The following EML1 variants were observed in gnomAD, a reference collection of about 807,000 sequenced individuals.
EML1 encodes the protein echinoderm microtubule-associated protein-like 1.
EML1 carries 27 observed loss-of-function variants against 110.4 expected under a neutral mutation model. That is an observed-to-expected ratio of 0.24 (90% CI 0.18 to 0.34). The LOEUF (loss-of-function observed/expected upper bound fraction) is 0.34, where lower values mean the gene tolerates loss of function less well. EML1 is among the 10% of genes least tolerant of loss of function. The pLI is 1.00. For missense variants in EML1, 741 were observed against 1,030.9 expected, an observed-to-expected ratio of 0.72 and a Z score of 3.85; for synonymous variants, 344 against 385.8, an observed-to-expected ratio of 0.89 and a Z score of 1.27.
chr14:99,885,805 A>G, intron 4 of EML1: 1 of 443,546 alleles, frequency 2.3e-6, no homozygotes, highest in South Asian at 1.6e-5. Context: ...TGTTGGACGC[A>G]TTGTAACATA....
chr14:99,749,094 C>T (rs1346255991), intron 1 of EML1, among the ~76,000 whole-genome samples: 1 of 152,230 alleles, frequency 6.6e-6, no homozygotes, highest in Non-Finnish European at 1.5e-5. Context: ...CACGCTTTGG[C>T]CATGATGAGT....
At chr14:99,863,888 TA>T in intron 2 of EML1, among the ~76,000 whole-genome samples, 1 of 152,390 alleles carries the variant, frequency 6.6e-6, no homozygotes, top group East Asian at 1.9e-4. Context: ...AAACTATATT[TA>T]GCTTTATAAG....
chr14:99,941,187 T>G lies in EML1; in HGVS notation c.*1075T>G, dbSNP rs2060583449. 1 of 152,182 alleles carries G rather than the reference T, an allele frequency of 6.6e-6. No individual in the cohort carries two copies. Among genetic ancestry groups the G allele is most frequent in the African/African-American group, 2.4e-5 (1 of 41,440 alleles). 9.4% of individuals were successfully genotyped at this position (152,182 alleles called of 1,614,324 possible). A position where few individuals can be genotyped will look rare whatever the true frequency, so the allele number is the denominator to read the frequency against. On this transcript the variant is annotated 3_prime_UTR_variant, in exon 22 of 22. Coordinates refer to ENST00000262233, the MANE Select transcript of EML1 (RefSeq NM_004434.3). Reference sequence around the variant, plus strand: ...TGCGTTAAACGGAGGTGGCAGAAATTTGTCAAGAAGGCCTTATCCATTTCG... The same window carrying G: ...TGCGTTAAACGGAGGTGGCAGAAATGTGTCAAGAAGGCCTTATCCATTTCG...
intron 1 of EML1, among the ~76,000 whole-genome samples, chr14:99,797,964 G>GGAAAGGCTGTTCAAAGCTA (rs1018721351): frequency 7.2e-5 from 11 of 152,126 alleles, no homozygotes; most frequent in African/African-American, 2.7e-4. Flanking sequence ...GGGGGAAGCT[G>GGAAAGGCTGTTCAAAGCTA]GAAAGGCTGT....
chr14:99,828,121 A>G (rs1447382784), intron 1 of EML1, among the ~76,000 whole-genome samples: 2 of 152,184 alleles, frequency 1.3e-5, no homozygotes, highest in East Asian at 3.8e-4. Flanking sequence ...AAAATTACAG[A>G]TGCTTGTTAG....
chr14:99,847,944 A>T (rs1056611751), intron 1 of EML1, among the ~76,000 whole-genome samples: 11 of 151,498 alleles, frequency 7.3e-5, no homozygotes, highest in Non-Finnish European at 1.5e-4. Context: ...TGCTTTTTTA[A>T]AAAAAAAATT....
intron 1 of EML1, among the ~76,000 whole-genome samples, chr14:99,816,374 G>T (rs1184958912): frequency 1.3e-5 from 2 of 152,224 alleles, no homozygotes; most frequent in African/African-American, 4.8e-5. Context: ...TGTTGGTAAG[G>T]CTGGTCTTGA....
At chr14:99,883,417 C>T (rs959198533) in intron 4 of EML1, 6 of 151,984 alleles carry the variant, frequency 3.9e-5, no homozygotes, top group African/African-American at 1.5e-4. Flanking sequence ...TGTAGTCCCA[C>T]CTACTTGAGA....
At chr14:99,830,770 C>G (rs866074193) in intron 1 of EML1, among the ~76,000 whole-genome samples, 3 of 152,098 alleles carry the variant, frequency 2.0e-5, no homozygotes, top group Non-Finnish European at 4.4e-5. Flanking sequence ...AGGCTGGTCT[C>G]GAACTCCTGA....
At chr14:99,846,239 T>A (rs961948328) in intron 1 of EML1, among the ~76,000 whole-genome samples, 2 of 151,600 alleles carry the variant, frequency 1.3e-5, no homozygotes, top group African/African-American at 4.8e-5. Flanking sequence ...AAATTGCTTG[T>A]TTCCTTTGCT....
chr14:99,907,454 C>CA (rs2059870247), intron 9 of EML1, 184 bp from the exon 10 acceptor site: 1 of 618,948 alleles, frequency 1.6e-6, no homozygotes, highest in Non-Finnish European at 2.8e-6. Flanking sequence ...GATGACAGAG[C>CA]AAAACCCTGT....
intron 1 of EML1, among the ~76,000 whole-genome samples, chr14:99,738,405 G>A (rs896281013): frequency 6.6e-6 from 1 of 152,216 alleles, no homozygotes; most frequent in Non-Finnish European, 1.5e-5. Flanking sequence ...CAGATTCTGG[G>A]GTCTGCCCAC....
In EML1 at chr14:99,911,408, C is replaced by T. The variant is rs765947252; in HGVS notation, c.1340-14C>T. On this transcript the variant is annotated splice_polypyrimidine_tract_variant and intron_variant, in intron 12 of 21. Transcript: ENST00000262233. ...TTGACAATGTGCTAATGATGGTTTT[C>T]TTGGTGTGTTTAGGTACAAATCGAA... 1.1e-5 allele frequency: 17 copies of T among 1,565,084 alleles called. No individual in the cohort carries two copies.
chr14:99,932,502 G>A (rs931877125), intron 17 of EML1, among the ~76,000 whole-genome samples: 3 of 151,964 alleles, frequency 2.0e-5, no homozygotes, highest in Admixed American at 6.6e-5. Flanking sequence ...AGCCAGACGC[G>A]GTGGCAGGCG....
intron 3 of EML1, among the ~76,000 whole-genome samples, chr14:99,868,627 C>T (rs1399544859): frequency 6.6e-6 from 1 of 152,006 alleles, no homozygotes; most frequent in Non-Finnish European, 1.5e-5. Context: ...CTCTTATAGT[C>T]CTTCTCGTTT....
rs577389288 is a variant in EML1, at chr14:99,738,945, T to TG, written c.28+1091dup. ...GCTCTCGGAACTCATCAGGGTCTCC[T>TG]GGGGGGTGTGGGGCAGATCGTGGGT... On this transcript the variant is annotated intron_variant, in intron 1 of 10. Transcript: ENST00000554479. Among the ~76,000 whole-genome samples the TG allele has an allele frequency of 2.6e-5, 4 of 152,172 alleles. No individual in the cohort carries two copies. The East Asian group carries it at 7.8e-4, about 29-fold the overall frequency.
rs1237760524 is a variant in EML1, at chr14:99,907,713, G to A, written c.1084G>A (p.Glu362Lys). The change falls in exon 10 of 22, where the codon GAA becomes AAA. Residue 362 changes from glutamate to lysine, a missense_variant. This residue lies in a region of EML1 where 388 missense variants were observed against 605.6 expected (regional missense o/e 0.64). Coordinates refer to ENST00000262233, the MANE Select transcript of EML1 (RefSeq NM_004434.3). The stretch of plus-strand genomic sequence containing the variant: ...CTCTGTATGGGACTGGCAGAAAGAA[G>A]AAAAACTAGCAGATGTGAAGGTCAT... Reference protein sequence around the residue: ...VLSVWDWQKEEKLADVKCSNE... With the variant: ...VLSVWDWQKEKKLADVKCSNE... 3.1e-6 allele frequency: 5 copies of A among 1,614,192 alleles called. No individual in the cohort carries two copies. The South Asian group carries it at 4.4e-5, about 14-fold the overall frequency.
intron 1 of EML1, among the ~76,000 whole-genome samples, chr14:99,765,601 C>CTA (rs916895844): frequency 2.5e-4 from 38 of 151,474 alleles, no homozygotes; most frequent in African/African-American, 7.5e-4. Context: ...ATTTACCGCA[C>CTA]TATATATATA....
intron 1 of EML1, among the ~76,000 whole-genome samples, chr14:99,762,083 C>A (rs1282598058): frequency 6.6e-6 from 1 of 152,108 alleles, no homozygotes. Flanking sequence ...AGTGGCTGAA[C>A]AGACGTGGGC....
Sources: gnomAD v4.1 joint callset for allele counts (sites outside exome capture counted in the v4.1 genomes callset) on GRCh38, gnomAD v4.1.1 for gene constraint, gnomAD v4.1.1 regional missense constraint, MANE v1.5 for transcripts, NCBI Gene and HGNC (gene_info 2026-07-23, HGNC 2026-07-21) for gene names.